MYOF: variants seen among roughly 807,000 people sequenced by gnomAD.
MYOF encodes the protein myoferlin.
MYOF carries 244 observed loss-of-function variants against 284.2 expected under a neutral mutation model. The ratio of observed to expected loss-of-function variants is 0.86; its 90% confidence interval spans 0.77 to 0.95. The LOEUF is 0.95. Among genes scored for constraint, MYOF ranks in the 40% least tolerant of loss-of-function variants. MYOF has a pLI of 0.00. For synonymous variants in MYOF, 904 were observed against 919.7 expected (o/e 0.98, Z 0.31); for missense variants, 2,496 against 2,560.6 (o/e 0.97, Z 0.54).
intron 11 of MYOF, 21 bp downstream of exon 11, chr10:93,402,211 G>A: frequency 6.3e-7 from 1 of 1,591,264 alleles, no homozygotes; most frequent in Non-Finnish European, 8.6e-7. Context: ...AGTGTAGAAA[G>A]TAGAGAATGT....
At chr10:93,342,167 A>G (rs1170815716) in intron 38 of MYOF, among the ~76,000 whole-genome samples, 1 of 152,208 alleles carries the variant, frequency 6.6e-6, no homozygotes, top group Non-Finnish European at 1.5e-5. Context: ...TCAGAGACAC[A>G]GCCTCCAGCC....
intron 5 of MYOF, among the ~76,000 whole-genome samples, chr10:93,423,694 G>A (rs1406677685): frequency 1.1e-4 from 16 of 151,766 alleles, no homozygotes; most frequent in African/African-American, 3.6e-4. Context: ...TTAGCTGGAC[G>A]TGGTGGCGGG....
At chr10:93,406,589 A>C (rs1040927070) in intron 7 of MYOF, among the ~76,000 whole-genome samples, 2 of 150,166 alleles carry the variant, frequency 1.3e-5, no homozygotes, top group African/African-American at 4.9e-5. Flanking sequence ...CTTGCCCTCC[A>C]ACGTGAATCT....
chr10:93,356,543 C>T (rs888274966), intron 30 of MYOF, 132 bp downstream of exon 30: 2 of 976,844 alleles, frequency 2.0e-6, no homozygotes, highest in African/African-American at 1.6e-5. Flanking sequence ...GGCTTTCCCT[C>T]AACCTGTTAA....
chr10:93,396,569 T>A (rs1847020855), intron 15 of MYOF, among the ~76,000 whole-genome samples: 1 of 152,218 alleles, frequency 6.6e-6, no homozygotes, highest in African/African-American at 2.4e-5. Flanking sequence ...GTTATGAAAT[T>A]GCAATTGTAC....
intron 4 of MYOF, among the ~76,000 whole-genome samples, chr10:93,430,037 C>T (rs375975504): frequency 1.5e-4 from 22 of 151,418 alleles, no homozygotes; most frequent in African/African-American, 3.6e-4. Context: ...TGGATTCGAG[C>T]GATTCTTCTG....
intron 5 of MYOF, among the ~76,000 whole-genome samples, chr10:93,422,993 T>C (rs1333152507): frequency 6.6e-6 from 1 of 152,060 alleles, no homozygotes; most frequent in Non-Finnish European, 1.5e-5. Context: ...GGAATCAACA[T>C]ATGAAATTGT....
chr10:93,369,659 C>T lies in MYOF; in HGVS notation c.2575G>A (p.Val859Ile), dbSNP rs746002591. The T allele has an allele frequency of 5.6e-6, 9 of 1,614,030 alleles. No individual in the cohort carries two copies. The highest frequency in any genetic ancestry group is 4.0e-5 in the African/African-American group (3 of 74,926). ...ATTAAAGGTACCATTTCAGCAAAGA[C>T]GGTGAAAGTTCCTTCTGCGAAGCTG... ...FNSFAEGTFT[V>I]FAEMYENQAL... is the part of the protein sequence containing the mutation. The change falls in exon 25 of 54, where the codon GTC becomes ATC. Residue 859 changes from valine to isoleucine, a missense_variant. By Grantham distance (29) the Val-to-Ile change is conservative (BLOSUM62 3). Transcript: ENST00000359263.
rs1348433577 is a variant in MYOF, at chr10:93,323,114, A to T, written c.5420T>A (p.Ile1807Asn). 9 of 1,614,128 alleles carry T rather than the reference A, an allele frequency of 5.6e-6. 1 individual carries two copies. In the South Asian group the frequency reaches 6.6e-5, roughly 12 times the overall value. ...GATGTCACTCATTTCCTCTCCTGTG[A>T]TGCTTTTCTCGTCCAAGATAACGTC... ...TKDVILDEKS[I>N]TGEEMSDIYV... The change falls in exon 48 of 54, where the codon ATC becomes AAC. Residue 1807 changes from isoleucine to asparagine, a missense_variant. Transcript: ENST00000359263.
In MYOF at chr10:93,364,057, A is replaced by C; in HGVS notation, c.2772T>G (p.Asp924Glu). 2.5e-6 allele frequency: 4 copies of C among 1,614,160 alleles called. No homozygotes were observed. Among genetic ancestry groups the C allele is most frequent in the Non-Finnish European group, 3.4e-6 (4 of 1,180,020 alleles). Residue 924 changes from aspartate (D) to glutamate (E), a missense_variant, in exon 27 of 54, where the codon GAT (aspartate) becomes GAG (glutamate). By Grantham distance (45) the Asp-to-Glu change is conservative (BLOSUM62 2). Coordinates refer to ENST00000359263, the MANE Select transcript of MYOF (RefSeq NM_013451.4). ...DPERSLLTEA[D>E]AGHTEFTDEV... ...CATCAGTGAACTCCGTGTGACCTGCATCTGCCTCAGTCAGCAAGCTGTGGG... is the reference window on the plus strand; with the variant it reads ...CATCAGTGAACTCCGTGTGACCTGCCTCTGCCTCAGTCAGCAAGCTGTGGG...
chr10:93,473,192 A>G (rs560280670), intron 1 of MYOF, among the ~76,000 whole-genome samples: 1 of 152,222 alleles, frequency 6.6e-6, no homozygotes, highest in African/African-American at 2.4e-5. Context: ...GTCAACCAAC[A>G]GAGTAAAGAT....
At chr10:93,456,670 T>C (rs1259479722) in intron 2 of MYOF, among the ~76,000 whole-genome samples, 4 of 152,162 alleles carry the variant, frequency 2.6e-5, no homozygotes, top group African/African-American at 9.7e-5. Context: ...AGGCTTCCCT[T>C]GCCGCGCCAC....
intron 3 of MYOF, among the ~76,000 whole-genome samples, chr10:93,438,636 C>A (rs1258394416): frequency 6.6e-6 from 1 of 152,018 alleles, no homozygotes; most frequent in Non-Finnish European, 1.5e-5. Context: ...ATGGTCTAGA[C>A]AGTGACTCCC....
At chr10:93,347,304 G>A (rs572345686) in intron 37 of MYOF, among the ~76,000 whole-genome samples, 4 of 151,454 alleles carry the variant, frequency 2.6e-5, no homozygotes, top group African/African-American at 9.7e-5. Flanking sequence ...TGTAATCCCA[G>A]CACTTTGGGA....
At chr10:93,373,302 G>A (rs1410738030) in intron 23 of MYOF, among the ~76,000 whole-genome samples, 1 of 152,174 alleles carries the variant, frequency 6.6e-6, no homozygotes, top group Non-Finnish European at 1.5e-5. Context: ...AGGGAAGGGC[G>A]AGAAGCAGAG....
intron 38 of MYOF, 24 bp downstream of exon 38, chr10:93,343,832 C>A (rs1001139732): frequency 1.9e-6 from 3 of 1,611,878 alleles, no homozygotes; most frequent in Non-Finnish European, 1.7e-6. Context: ...CTGACAGCAT[C>A]CACTGATCAG....
intron 21 of MYOF, among the ~76,000 whole-genome samples, chr10:93,378,050 C>T (rs1845921110): frequency 6.6e-6 from 1 of 152,164 alleles, no homozygotes; most frequent in South Asian, 2.1e-4. Context: ...ACTGTATACC[C>T]AGATTTTGTT....
intron 5 of MYOF, among the ~76,000 whole-genome samples, chr10:93,411,917 G>A (rs903926580): frequency 1.3e-5 from 2 of 152,042 alleles, no homozygotes; most frequent in Non-Finnish European, 2.9e-5. Context: ...GCTTTTTCAG[G>A]TTCTTCTGTG....
In MYOF at chr10:93,366,482, A is replaced by G; in HGVS notation, c.2663T>C (p.Val888Ala). ...CCTCTTGAGTTTTATTTTTCCTGTG[A>G]CATCAGAAAACTTATGACGTCCTAC... ...GLVGRHKFSD[V>A]TGKIKLKREF... Residue 888 changes from valine to alanine, a missense_variant, in exon 26 of 54, where the codon GTC (valine) becomes GCC (alanine). Coordinates refer to ENST00000359263, the MANE Select transcript of MYOF (RefSeq NM_013451.4). The G allele has an allele frequency of 6.2e-7, 1 of 1,614,008 alleles. No homozygotes were observed. The highest frequency in any genetic ancestry group is 1.1e-5 in the South Asian group (1 of 91,072).
Sources: allele counts gnomAD v4.1 joint callset (sites outside exome capture counted in the v4.1 genomes callset), GRCh38; gene constraint gnomAD v4.1.1; transcripts MANE v1.5; gene names NCBI Gene and HGNC (gene_info 2026-07-23, HGNC 2026-07-21).